Variants in MTAP observed in about 807,000 individuals in gnomAD.
MTAP encodes S-methyl-5'-thioadenosine phosphorylase.
MTAP carries 33 observed loss-of-function variants against 33.6 expected under a neutral mutation model. The ratio of observed to expected loss-of-function variants is 0.98; its 90% CI spans 0.74 to 1.31. The LOEUF is 1.31. MTAP is among the 40% of genes most tolerant of loss of function. MTAP has a pLI of 0.00. For missense variants in MTAP, 367 were observed against 360.0 expected (o/e 1.02, Z -0.16); for synonymous variants, 148 against 125.7 (o/e 1.18, Z -1.19).
chr9:21,887,942 G>A (rs1400426847), intron 1 of MTAP, among the ~76,000 whole-genome samples: 1 of 152,064 alleles, frequency 6.6e-6, no homozygotes, highest in Non-Finnish European at 1.5e-5. Context: ...GTCACTGTTG[G>A]GATATAGCAG....
At chr9:21,917,516 G>A in intron 1 of MTAP, among the ~76,000 whole-genome samples, 1 of 152,140 alleles carries the variant, frequency 6.6e-6, no homozygotes, top group Middle Eastern at 3.2e-3. Flanking sequence ...AATCATCAGG[G>A]AAATGCAAAT....
At position 21,834,813 on chromosome 9, in the gene MTAP, A is replaced by G. The variant is rs191236787; in HGVS notation, c.348-3095A>G. ...CTAAAGTAATATATTCATAGGTTCTAAGGGTTAGCATGTGGACATCTTCGG... is the reference window on the plus strand; with the variant it reads ...CTAAAGTAATATATTCATAGGTTCTGAGGGTTAGCATGTGGACATCTTCGG... On this transcript the variant is annotated intron_variant, in intron 4 of 7. Coordinates refer to ENST00000644715, the MANE Select transcript of MTAP (RefSeq NM_002451.4). 1.2e-4 allele frequency among the ~76,000 whole-genome samples: 18 copies of G among 152,338 alleles called. No individual in the cohort carries two copies. The East Asian group carries it at 3.3e-3, about 28-fold the overall frequency.
At chr9:21,906,336 G>GA (rs140120880) in intron 1 of MTAP, among the ~76,000 whole-genome samples, 3,151 of 151,786 alleles carry the variant, frequency 0.021, 107 homozygotes, top group African/African-American at 0.071. Context: ...TTGAAGACGT[G>GA]AAAAAAAACA....
intron 1 of MTAP, among the ~76,000 whole-genome samples, chr9:21,901,083 G>A (rs1331786697): frequency 6.6e-6 from 1 of 152,094 alleles, no homozygotes; most frequent in Non-Finnish European, 1.5e-5. Flanking sequence ...TTATTACCTG[G>A]GTGATGGAAT....
At chr9:21,888,967 G>A (rs886390725) in intron 1 of MTAP, among the ~76,000 whole-genome samples, 3 of 152,126 alleles carry the variant, frequency 2.0e-5, no homozygotes, top group Admixed American at 6.6e-5. Context: ...CAAGCTAGAA[G>A]AGAGTGGGGT....
At chr9:21,859,022 C>T (rs951298828) in intron 6 of MTAP, 7 of 239,632 alleles carry the variant, frequency 2.9e-5, no homozygotes, top group Non-Finnish European at 5.6e-5. Context: ...CAGCCATCTT[C>T]TCACTGGAAC....
At chr9:21,885,779 G>GGGGTGT (rs1491144743) in intron 1 of MTAP, among the ~76,000 whole-genome samples, 1 of 144,348 alleles carries the variant, frequency 6.9e-6, no homozygotes, top group Non-Finnish European at 1.5e-5. Flanking sequence ...AGTATTACAT[G>GGGGTGT]GTGTGTGTGT....
intron 4 of MTAP, among the ~76,000 whole-genome samples, chr9:21,832,604 C>T (rs1348619838): frequency 1.3e-5 from 2 of 152,200 alleles, no homozygotes; most frequent in African/African-American, 4.8e-5. Flanking sequence ...TGTTCTTTGT[C>T]ATCCTCTTGT....
chr9:21,837,701 G>T (rs76454779), intron 4 of MTAP, among the ~76,000 whole-genome samples: 1 of 152,058 alleles, frequency 6.6e-6, no homozygotes, highest in Non-Finnish European at 1.5e-5. Context: ...CTTGTTGTGC[G>T]GTGTGTTGCT....
intron 4 of MTAP, among the ~76,000 whole-genome samples, chr9:21,830,948 G>T (rs1824951484): frequency 6.7e-6 from 1 of 149,806 alleles, no homozygotes; most frequent in South Asian, 2.1e-4. Context: ...CACAGGATTG[G>T]TTTTTAATGA....
intron 1 of MTAP, among the ~76,000 whole-genome samples, chr9:21,804,557 T>C (rs1326149300): frequency 6.6e-6 from 1 of 152,226 alleles, no homozygotes; most frequent in Non-Finnish European, 1.5e-5. Context: ...ATTTCTCTTT[T>C]AATTTAGAAC....
At chr9:21,852,381 G>A (rs1006808925) in intron 5 of MTAP, among the ~76,000 whole-genome samples, 21 of 152,054 alleles carry the variant, frequency 1.4e-4, no homozygotes, top group African/African-American at 4.8e-4. Flanking sequence ...CGTGGTGGCG[G>A]GTGCCTGTAA....
chr9:21,907,790 G>C (rs1023909737), intron 1 of MTAP, among the ~76,000 whole-genome samples: 1 of 151,586 alleles, frequency 6.6e-6, no homozygotes, highest in African/African-American at 2.4e-5. Flanking sequence ...GAAAATATTG[G>C]TCAGCCTTTT....
At chr9:21,930,978 C>T in intron 1 of MTAP, 2 of 748,476 alleles carry the variant, frequency 2.7e-6, no homozygotes, top group South Asian at 1.4e-5. Context: ...AATCTAATAA[C>T]CCAATTTGTC....
At chr9:21,828,100 A>G (rs1282459723) in intron 4 of MTAP, among the ~76,000 whole-genome samples, 1 of 152,242 alleles carries the variant, frequency 6.6e-6, no homozygotes, top group African/African-American at 2.4e-5. Context: ...GATGGAGACT[A>G]GAAAGAAAAC....
chr9:21,895,155 T>G (rs1818268725), intron 1 of MTAP, among the ~76,000 whole-genome samples: 1 of 152,162 alleles, frequency 6.6e-6, no homozygotes, highest in African/African-American at 2.4e-5. Flanking sequence ...ATGACGTTTT[T>G]CATAGAATTA....
chr9:21,936,799 A>G (rs1189120199), exon 8 of MTAP: 3 of 152,200 alleles, frequency 2.0e-5, no homozygotes, highest in African/African-American at 4.8e-5. Flanking sequence ...AAAGACTAAA[A>G]ATAATAAGGG....
intron 1 of MTAP, among the ~76,000 whole-genome samples, chr9:21,900,819 C>A (rs565680791): frequency 6.6e-6 from 1 of 152,136 alleles, no homozygotes; most frequent in African/African-American, 2.4e-5. Context: ...ATATACATCA[C>A]GCAATACTAT....
chr9:21,896,789 A>C (rs529769487), intron 1 of MTAP, among the ~76,000 whole-genome samples: 1 of 152,352 alleles, frequency 6.6e-6, no homozygotes, highest in South Asian at 2.1e-4. Flanking sequence ...TCACAGCCGA[A>C]TTCTACCAGA....
Sources: allele counts gnomAD v4.1 joint callset (sites outside exome capture counted in the v4.1 genomes callset), GRCh38; gene constraint gnomAD v4.1.1; transcripts MANE v1.5; gene names NCBI Gene and HGNC (gene_info 2026-07-23, HGNC 2026-07-21).